FBXL7: variants seen among roughly 807,000 people sequenced by gnomAD.
FBXL7 encodes F-box and leucine rich repeat protein 7.
In FBXL7, 12 loss-of-function variants were observed where a neutral mutation model predicts 38.3. The observed-to-expected ratio is 0.31, with a 90% confidence interval of 0.20 to 0.51. The LOEUF (loss-of-function observed/expected upper bound fraction) is 0.51, where lower values mean the gene tolerates loss of function less well. Among genes scored for constraint, FBXL7 ranks in the 20% least tolerant of loss-of-function variants. FBXL7 has a pLI of 0.98. For synonymous variants in FBXL7, 297 were observed against 300.9 expected (o/e 0.99, Z 0.13); for missense variants, 567 against 676.4 (o/e 0.84, Z 1.79).
intron 2 of FBXL7, among the ~76,000 whole-genome samples, chr5:15,712,944 G>T (rs1743923528): frequency 1.3e-5 from 2 of 152,134 alleles, no homozygotes; most frequent in Non-Finnish European, 1.5e-5. Flanking sequence ...ATCTGGTCTA[G>T]AATTTCAGGT....
intron 2 of FBXL7, among the ~76,000 whole-genome samples, chr5:15,775,838 TCTC>T (rs1736844096): frequency 6.6e-6 from 1 of 152,160 alleles, no homozygotes; most frequent in South Asian, 2.1e-4. Context: ...TCCTGATTAT[TCTC>T]CTGCACTCCA....
At chr5:15,831,056 A>C (rs1469928386) in intron 2 of FBXL7, among the ~76,000 whole-genome samples, 1 of 152,188 alleles carries the variant, frequency 6.6e-6, no homozygotes, top group Non-Finnish European at 1.5e-5. Flanking sequence ...CTTATCATCC[A>C]TGCCTTTGAT....
chr5:15,553,841 G>T (rs1738156370), intron 1 of FBXL7, among the ~76,000 whole-genome samples: 1 of 152,196 alleles, frequency 6.6e-6, no homozygotes, highest in African/African-American at 2.4e-5. Context: ...AGGCTTAGTG[G>T]GTTTCTTTCT....
chr5:15,664,558 G>A (rs1411227568), intron 2 of FBXL7, among the ~76,000 whole-genome samples: 2 of 133,346 alleles, frequency 1.5e-5, no homozygotes, highest in African/African-American at 2.9e-5. Flanking sequence ...TGCAACCTCC[G>A]CCTCCCGGGT....
intron 1 of FBXL7, among the ~76,000 whole-genome samples, chr5:15,537,873 T>C (rs1316909508): frequency 1.3e-5 from 2 of 152,228 alleles, no homozygotes; most frequent in African/African-American, 2.4e-5. Flanking sequence ...ACTGGTGGTA[T>C]CATTGGATCT....
chr5:15,711,115 A>G (rs1019821483), intron 2 of FBXL7, among the ~76,000 whole-genome samples: 4 of 152,176 alleles, frequency 2.6e-5, no homozygotes, highest in Non-Finnish European at 5.9e-5. Flanking sequence ...TTCTGCCATG[A>G]TTGTGTGGCC....
At chr5:15,639,996 T>G (rs1741306876) in intron 2 of FBXL7, among the ~76,000 whole-genome samples, 1 of 152,120 alleles carries the variant, frequency 6.6e-6, no homozygotes. Flanking sequence ...CTAGGATATT[T>G]AGAAAAAGGC....
At chr5:15,755,846 A>G (rs1040724597) in intron 2 of FBXL7, among the ~76,000 whole-genome samples, 1 of 152,170 alleles carries the variant, frequency 6.6e-6, no homozygotes, top group Admixed American at 6.5e-5. Flanking sequence ...GGCACTGAAG[A>G]CGTTTGTGGC....
chr5:15,577,724 G>A (rs1219956516), intron 1 of FBXL7, among the ~76,000 whole-genome samples: 1 of 152,018 alleles, frequency 6.6e-6, no homozygotes, highest in African/African-American at 2.4e-5. Flanking sequence ...AATGAACCCA[G>A]AGGGTCTGGA....
intron 1 of FBXL7, among the ~76,000 whole-genome samples, chr5:15,612,840 T>C (rs1386756405): frequency 6.6e-6 from 1 of 152,194 alleles, no homozygotes; most frequent in African/African-American, 2.4e-5. Flanking sequence ...GGCACGTGCA[T>C]GCCAAAACAA....
At chr5:15,871,212 A>T (rs1739943327) in intron 2 of FBXL7, among the ~76,000 whole-genome samples, 1 of 152,186 alleles carries the variant, frequency 6.6e-6, no homozygotes, top group Admixed American at 6.5e-5. Context: ...AGACCTGCAG[A>T]CTGTTAGAAG....
At chr5:15,809,465 G>A (rs1020607017) in intron 2 of FBXL7, among the ~76,000 whole-genome samples, 3 of 152,126 alleles carry the variant, frequency 2.0e-5, no homozygotes, top group Non-Finnish European at 4.4e-5. Flanking sequence ...ACTTCATAGG[G>A]TTGTTAGGTG....
intron 2 of FBXL7, among the ~76,000 whole-genome samples, chr5:15,902,347 C>T (rs968678516): frequency 5.3e-5 from 8 of 152,210 alleles, no homozygotes; most frequent in Admixed American, 1.3e-4. Context: ...GCATCCGTGT[C>T]CACACAGTCA....
At chr5:15,922,584 C>T (rs552275888) in intron 2 of FBXL7, among the ~76,000 whole-genome samples, 13 of 152,246 alleles carry the variant, frequency 8.5e-5, no homozygotes, top group East Asian at 5.8e-4. Context: ...TTTAAGGACA[C>T]GCAAAGCAGA....
At chr5:15,746,081 G>A (rs1019639390) in intron 2 of FBXL7, among the ~76,000 whole-genome samples, 6 of 152,296 alleles carry the variant, frequency 3.9e-5, no homozygotes, top group Admixed American at 3.3e-4. Context: ...AGAAATTACT[G>A]CTGCACTGGG....
At chr5:15,657,867 T>A (rs746326446) in intron 2 of FBXL7, among the ~76,000 whole-genome samples, 2 of 151,968 alleles carry the variant, frequency 1.3e-5, no homozygotes, top group African/African-American at 2.4e-5. Flanking sequence ...GTAATGGACA[T>A]TTAAAATATT....
Position 15,698,050 on chromosome 5 carries a change from C to T in FBXL7, c.127+81978C>T, listed in dbSNP as rs78425336. Among the ~76,000 whole-genome samples, 867 of 152,134 alleles carry T rather than the reference C, an allele frequency of 5.7e-3. 6 individuals carry two copies. Among genetic ancestry groups the T allele is most frequent in the African/African-American group, 0.018 (731 of 41,502 alleles). On this transcript the variant is annotated intron_variant, in intron 2 of 3. Transcript: ENST00000504595. ...AAGTTGCAATGTGCAATTGAAAGCG[C>T]GATATTTTTTCTGATTTTTAATGCA...
At chr5:15,584,792 T>C (rs1739254146) in intron 1 of FBXL7, among the ~76,000 whole-genome samples, 1 of 152,220 alleles carries the variant, frequency 6.6e-6, no homozygotes, top group African/African-American at 2.4e-5. Flanking sequence ...TCCCTGAGAC[T>C]GGGTAATTTA....
intron 1 of FBXL7, among the ~76,000 whole-genome samples, chr5:15,566,560 C>G (rs1738578956): frequency 2.0e-5 from 3 of 152,212 alleles, no homozygotes; most frequent in Non-Finnish European, 4.4e-5. Context: ...GAGAAAAGGA[C>G]CTTGTCTTTT....
Sources: gnomAD v4.1 joint callset for allele counts (sites outside exome capture counted in the v4.1 genomes callset) on GRCh38, gnomAD v4.1.1 for gene constraint, MANE v1.5 for transcripts, NCBI Gene and HGNC (gene_info 2026-07-23, HGNC 2026-07-21) for gene names.